WDR70: variants seen among roughly 807,000 people sequenced by gnomAD.
The protein encoded by WDR70 is WD repeat-containing protein 70.
A neutral mutation model predicts 88.6 loss-of-function variants in WDR70; 53 were observed. The ratio of observed to expected loss-of-function variants is 0.60; its 90% confidence interval spans 0.48 to 0.75. WDR70 has a LOEUF of 0.75. Among genes scored for constraint, WDR70 ranks in the 30% least tolerant of loss-of-function variants. The pLI, the probability that WDR70 is intolerant of heterozygous loss-of-function variation, is 0.00. For synonymous variants in WDR70, 280 were observed against 270.0 expected (o/e 1.04, Z -0.36); for missense variants, 610 against 823.2 (o/e 0.74, Z 3.17).
At chr5:37,750,447 G>C (rs1038886205) in intron 17 of WDR70, among the ~76,000 whole-genome samples, 2 of 152,140 alleles carry the variant, frequency 1.3e-5, no homozygotes, top group Non-Finnish European at 2.9e-5. Flanking sequence ...GAGGCAGGAG[G>C]ATCACTTGAG....
intron 10 of WDR70, among the ~76,000 whole-genome samples, chr5:37,662,317 T>A (rs912892397): frequency 6.6e-6 from 1 of 152,128 alleles, no homozygotes; most frequent in African/African-American, 2.4e-5. Flanking sequence ...GTTTTACAGA[T>A]AAGAAAATGT....
At chr5:37,396,254 A>C in intron 4 of WDR70, 121 bp from the exon 5 acceptor site, 1 of 1,347,868 alleles carries the variant, frequency 7.4e-7, no homozygotes, top group South Asian at 2.1e-5. Flanking sequence ...CAAATTTAAA[A>C]AAATTAAAAA....
At position 37,483,582 on chromosome 5, in the gene WDR70, C is replaced by T. The variant is rs371410754; in HGVS notation, c.840+3595C>T. On this transcript the variant is annotated intron_variant, in intron 8 of 17. Coordinates refer to ENST00000265107, the MANE Select transcript of WDR70 (RefSeq NM_018034.4). ...CTTTTCTATTCCACAAAACCGCCAT[C>T]GTCATCATAGCCCGTTCTCAATGAG... 1.1e-3 allele frequency among the ~76,000 whole-genome samples: 164 copies of T among 152,344 alleles called. 1 individual carries two copies. Among genetic ancestry groups the T allele is most frequent in the Admixed American group, 7.8e-3 (119 of 15,310 alleles).
intron 9 of WDR70, among the ~76,000 whole-genome samples, chr5:37,583,140 A>G (rs616664): frequency 0.033 from 4,968 of 152,292 alleles, 308 homozygotes; most frequent in African/African-American, 0.11. Flanking sequence ...ATTTAAGAGA[A>G]TAGAGGCTGG....
rs142833419 is a variant in WDR70 at position 37,559,393 on chromosome 5, C to T, written c.917+42803C>T. 4.6e-5 allele frequency among the ~76,000 whole-genome samples: 7 copies of T among 152,316 alleles called. No individual in the cohort carries two copies. In the South Asian group the frequency reaches 1.2e-3, roughly 27 times the overall value. On this transcript the variant is annotated intron_variant, in intron 9 of 17. Transcript: ENST00000265107. The stretch of plus-strand genomic sequence containing the variant: ...CTACCTCCTTTCTGTCTTCCTCCCC[C>T]ACTTTTCCTCTCTCATGCTTTTTCC...
At chr5:37,740,360 C>T (rs193072973) in intron 17 of WDR70, among the ~76,000 whole-genome samples, 1 of 152,238 alleles carries the variant, frequency 6.6e-6, no homozygotes, top group East Asian at 1.9e-4. Flanking sequence ...ATAAAAATTG[C>T]CAAAAAGAAA....
chr5:37,620,419 A>T (rs923381561), intron 10 of WDR70, among the ~76,000 whole-genome samples: 7 of 152,188 alleles, frequency 4.6e-5, no homozygotes, highest in Non-Finnish European at 1.0e-4. Flanking sequence ...TCTGAAAAAC[A>T]GTTTTTATAT....
Position 37,678,215 on chromosome 5 carries a change from C to T in WDR70, c.1093-19440C>T, listed in dbSNP as rs1435470541. The stretch of plus-strand genomic sequence containing the variant: ...GCCAGTCTGTGTCTTTTAATTGGAG[C>T]ATTTAGCCCATTTACATTTAAAGTT... On this transcript the variant is annotated intron_variant, in intron 10 of 17. Coordinates refer to ENST00000265107, the MANE Select transcript of WDR70 (RefSeq NM_018034.4). 3.3e-5 allele frequency among the ~76,000 whole-genome samples: 5 copies of T among 152,272 alleles called. No individual in the cohort carries two copies. In the East Asian group the frequency reaches 7.7e-4, roughly 24 times the overall value.
At chr5:37,483,424 G>T (rs1242369627) in intron 8 of WDR70, among the ~76,000 whole-genome samples, 1 of 152,172 alleles carries the variant, frequency 6.6e-6, no homozygotes, top group African/African-American at 2.4e-5. Flanking sequence ...TGGGGGTAAG[G>T]TCATAGATCA....
chr5:37,544,936 A>G (rs1295467198), intron 9 of WDR70, among the ~76,000 whole-genome samples: 1 of 152,158 alleles, frequency 6.6e-6, no homozygotes, highest in Non-Finnish European at 1.5e-5. Context: ...GATTCACATA[A>G]GTGAATCTCA....
At chr5:37,709,598 T>C (rs1581517581) in intron 13 of WDR70, among the ~76,000 whole-genome samples, 2 of 145,564 alleles carry the variant, frequency 1.4e-5, no homozygotes, top group African/African-American at 2.6e-5. Flanking sequence ...GGAGTTTTAG[T>C]GTAAATTTGC....
chr5:37,442,057 G>C (rs1374696364), intron 6 of WDR70, among the ~76,000 whole-genome samples: 3 of 64,222 alleles, frequency 4.7e-5, no homozygotes, highest in African/African-American at 1.9e-4. Context: ...TTTTTTTTTT[G>C]AGACAGGGTT....
In WDR70 at chr5:37,488,335, T is replaced by A. The variant is rs192813146; in HGVS notation, c.840+8348T>A. On this transcript the variant is annotated intron_variant, in intron 8 of 17. Transcript: ENST00000265107. ...TCTGCTATCTTCTTGTATCTGTATG[T>A]CTAAGTCTCCTGTTAGACTTGAAAA... Among the ~76,000 whole-genome samples, 216 of 152,114 alleles carry A rather than the reference T, an allele frequency of 1.4e-3. 1 individual carries two copies. The highest frequency in any genetic ancestry group is 1.9e-3 in the Non-Finnish European group (128 of 67,994).
chr5:37,646,654 GTTC>G (rs1318441045), intron 10 of WDR70, among the ~76,000 whole-genome samples: 3 of 152,080 alleles, frequency 2.0e-5, no homozygotes, highest in African/African-American at 2.4e-5. Context: ...GGGTAAAAGT[GTTC>G]TTCTTTCAGC....
intron 17 of WDR70, among the ~76,000 whole-genome samples, chr5:37,728,190 A>T (rs1377197391): frequency 6.6e-6 from 1 of 151,876 alleles, no homozygotes; most frequent in Non-Finnish European, 1.5e-5. Context: ...ACTACTAAAA[A>T]CACAAAAATT....
chr5:37,419,418 C>G (rs1242054210), intron 5 of WDR70, among the ~76,000 whole-genome samples: 1 of 151,182 alleles, frequency 6.6e-6, no homozygotes, highest in African/African-American at 2.4e-5. Flanking sequence ...CTTGGCCAGG[C>G]TGGTCTTGAA....
At chr5:37,547,616 G>T (rs1477093814) in intron 9 of WDR70, among the ~76,000 whole-genome samples, 2 of 152,096 alleles carry the variant, frequency 1.3e-5, no homozygotes, top group Non-Finnish European at 2.9e-5. Flanking sequence ...GTCACCTCAA[G>T]CATTTATCCT....
chr5:37,489,208 T>C (rs1739987109), intron 8 of WDR70, among the ~76,000 whole-genome samples: 2 of 152,230 alleles, frequency 1.3e-5, no homozygotes, highest in Non-Finnish European at 2.9e-5. Flanking sequence ...TCCCTGTTCT[T>C]GGGCCCTTGC....
At chr5:37,592,690 A>C (rs1052979380) in intron 9 of WDR70, among the ~76,000 whole-genome samples, 6 of 152,312 alleles carry the variant, frequency 3.9e-5, no homozygotes, top group African/African-American at 9.6e-5. Flanking sequence ...TTAATGGAAA[A>C]AGGCTGAATA....
Sources: gnomAD v4.1 joint callset for allele counts (sites outside exome capture counted in the v4.1 genomes callset) on GRCh38, gnomAD v4.1.1 for gene constraint, MANE v1.5 for transcripts, NCBI Gene and HGNC (gene_info 2026-07-23, HGNC 2026-07-21) for gene names.